KLHL5: variants seen among roughly 807,000 people sequenced by gnomAD.
KLHL5 encodes the protein kelch like family member 5.
A neutral mutation model predicts 77.7 loss-of-function variants in KLHL5; 48 were observed. The observed-to-expected ratio is 0.62, with a 90% confidence interval of 0.49 to 0.79. The LOEUF is 0.79. Ranked by LOEUF, KLHL5 falls within the 30% of genes least tolerant of loss-of-function variation. The pLI is 0.00. For missense variants in KLHL5, 723 were observed against 859.7 expected (o/e 0.84, Z 1.99); for synonymous variants, 260 against 297.0 (o/e 0.88, Z 1.28).
rs528284489 is a variant in KLHL5, at chr4:39,078,699, T to C, written c.567-2404T>C. Among the ~76,000 whole-genome samples the C allele has an allele frequency of 3.3e-4, 50 of 152,030 alleles. No individual in the cohort carries two copies. In the South Asian group the frequency reaches 9.4e-3, roughly 29 times the overall value. On this transcript the variant is annotated intron_variant, in intron 2 of 10. Transcript: ENST00000504108. ...GTGGAGACAGAGTGAGACTCTGTCTTCACCCCCAGCAAAAAAGAATGATAC... is the reference window on the plus strand; with the variant it reads ...GTGGAGACAGAGTGAGACTCTGTCTCCACCCCCAGCAAAAAAGAATGATAC...
At chr4:39,101,142 A>C (rs1379508553) in intron 6 of KLHL5, among the ~76,000 whole-genome samples, 1 of 147,874 alleles carries the variant, frequency 6.8e-6, no homozygotes, top group African/African-American at 2.5e-5. Context: ...ATATATATAT[A>C]TATATCTACC....
chr4:39,101,899 T>C (rs1394897470), intron 6 of KLHL5, among the ~76,000 whole-genome samples: 17 of 139,106 alleles, frequency 1.2e-4, no homozygotes, highest in South Asian at 4.4e-4. Context: ...CACACACATA[T>C]ACACACACAC....
chr4:39,092,691 A>G (rs1196101269), intron 5 of KLHL5, among the ~76,000 whole-genome samples: 1 of 152,152 alleles, frequency 6.6e-6, no homozygotes, highest in Non-Finnish European at 1.5e-5. Flanking sequence ...ATGCAGTGCT[A>G]GTTTCCAAAT....
intron 8 of KLHL5, among the ~76,000 whole-genome samples, chr4:39,111,143 G>A (rs1722430828): frequency 6.6e-6 from 1 of 152,064 alleles, no homozygotes; most frequent in Non-Finnish European, 1.5e-5. Context: ...AACATTGTTT[G>A]TACACTTAAG....
At chr4:39,135,570 G>C in the KLHL5 span, 3 of 152,394 alleles carry the variant, frequency 2.0e-5, no homozygotes, top group African/African-American at 7.2e-5. Context: ...TGACTGAGCA[G>C]GTAATGAAGA....
At chr4:39,054,880 A>T (rs1197624540) in intron 1 of KLHL5, among the ~76,000 whole-genome samples, 1 of 152,190 alleles carries the variant, frequency 6.6e-6, no homozygotes, top group Non-Finnish European at 1.5e-5. Context: ...TTACTCGTTG[A>T]ATTGAGTACT....
intron 6 of KLHL5, among the ~76,000 whole-genome samples, chr4:39,098,844 A>G (rs893475484): frequency 2.0e-5 from 3 of 152,034 alleles, no homozygotes; most frequent in Admixed American, 2.0e-4. Flanking sequence ...CATTACAGGC[A>G]TGAGCCACAG....
In KLHL5 at chr4:39,123,928, A is replaced by G. The variant is rs1486645261; in HGVS notation, c.*2862A>G. ...ACATTTGCAGAAAACATGGTCCTATATATTAAAAATCCTAAAGAATCCACA... is the reference window on the plus strand; with the variant it reads ...ACATTTGCAGAAAACATGGTCCTATGTATTAAAAATCCTAAAGAATCCACA... On this transcript the variant is annotated 3_prime_UTR_variant, in exon 11 of 11. Coordinates refer to ENST00000504108, the MANE Select transcript of KLHL5 (RefSeq NM_015990.5). 6.6e-6 allele frequency among the ~76,000 whole-genome samples: 1 copy of G among 152,188 alleles called. No homozygotes were observed. The highest frequency in any genetic ancestry group is 2.4e-5 in the African/African-American group (1 of 41,462).
intron 10 of KLHL5, chr4:39,120,046 T>C (rs1723107314): frequency 6.6e-6 from 1 of 152,080 alleles, no homozygotes; most frequent in Admixed American, 6.6e-5. Flanking sequence ...GTCTAGGGGG[T>C]CGAACTGATT....
chr4:39,126,932 CA>C, downstream of KLHL5: 1 of 359,666 alleles, frequency 2.8e-6, no homozygotes, highest in Non-Finnish European at 5.5e-6. Context: ...TTGCTGACGT[CA>C]AGGCACCAAA....
chr4:39,104,053 A>G (rs920661808), intron 7 of KLHL5, among the ~76,000 whole-genome samples: 1 of 151,770 alleles, frequency 6.6e-6, no homozygotes. Flanking sequence ...ACAATACTCA[A>G]TTTATTAATA....
At chr4:39,101,772 G>A (rs1721564466) in intron 6 of KLHL5, among the ~76,000 whole-genome samples, 1 of 150,630 alleles carries the variant, frequency 6.6e-6, no homozygotes, top group Non-Finnish European at 1.5e-5. Flanking sequence ...CTTGAACTTG[G>A]GAGGTGGAGG....
At chr4:39,055,691 T>A (rs1716959863) in intron 1 of KLHL5, among the ~76,000 whole-genome samples, 1 of 152,130 alleles carries the variant, frequency 6.6e-6, no homozygotes, top group Admixed American at 6.5e-5. Context: ...GTACTCAGAG[T>A]TCCAGGTTGA....
chr4:39,141,505 A>G, the KLHL5 span, among the ~76,000 whole-genome samples: 2 of 151,472 alleles, frequency 1.3e-5, no homozygotes, highest in Admixed American at 6.6e-5. Flanking sequence ...TAGAGACGGA[A>G]TTTCACCGTG....
intron 6 of KLHL5, among the ~76,000 whole-genome samples, chr4:39,097,739 A>G (rs1721191502): frequency 6.6e-6 from 1 of 152,188 alleles, no homozygotes; most frequent in Non-Finnish European, 1.5e-5. Context: ...AGCTATTATA[A>G]TGCATCATCT....
At chr4:39,060,458 C>A (rs1265299744), upstream of KLHL5, among the ~76,000 whole-genome samples, 1 of 151,012 alleles carries the variant, frequency 6.6e-6, no homozygotes, top group Non-Finnish European at 1.5e-5. Flanking sequence ...ACCACCACCA[C>A]CACCACCTAT....
At chr4:39,089,750 G>C (rs1263518461) in intron 5 of KLHL5, among the ~76,000 whole-genome samples, 1 of 152,186 alleles carries the variant, frequency 6.6e-6, no homozygotes, top group Non-Finnish European at 1.5e-5. Context: ...TGGAAATACA[G>C]ATTAGGCCTC....
chr4:39,065,032 G>A (rs765186206), intron 1 of KLHL5, among the ~76,000 whole-genome samples: 33 of 152,010 alleles, frequency 2.2e-4, no homozygotes, highest in Non-Finnish European at 4.1e-4. Flanking sequence ...TTAGATATGA[G>A]GGGAAATATG....
chr4:39,079,565 G>A (rs1362266378), intron 2 of KLHL5, among the ~76,000 whole-genome samples: 1 of 152,044 alleles, frequency 6.6e-6, no homozygotes, highest in Non-Finnish European at 1.5e-5. Flanking sequence ...TCACATCTTT[G>A]CCCGTGTCAC....
Sources: allele counts gnomAD v4.1 joint callset (sites outside exome capture counted in the v4.1 genomes callset), GRCh38; gene constraint gnomAD v4.1.1; transcripts MANE v1.5; gene names NCBI Gene and HGNC (gene_info 2026-07-23, HGNC 2026-07-21).